The following ST6GALNAC4 variants were observed in gnomAD, a reference collection of about 807,000 sequenced individuals.
The protein encoded by ST6GALNAC4 is alpha-N-acetyl-neuraminyl-2,3-beta-galactosyl-1,3-N-acetyl-galactosaminide alpha-2,6-sialyltransferase.
In ST6GALNAC4, 24 loss-of-function variants were observed where a neutral mutation model predicts 30.4. The ratio of observed to expected loss-of-function variants is 0.79; its 90% CI spans 0.57 to 1.11. The LOEUF is 1.11. Ranked by LOEUF, ST6GALNAC4 falls within the 50% of genes most tolerant of loss-of-function variation. The probability of loss-of-function intolerance (pLI) is 0.00; values close to 1 mark genes in which losing one functional copy is unlikely to be tolerated. For missense variants in ST6GALNAC4, 365 were observed against 430.1 expected (o/e 0.85, Z 1.34); for synonymous variants, 156 against 179.7 (o/e 0.87, Z 1.05).
At position 127,909,996 on chromosome 9, in the gene ST6GALNAC4, C is replaced by A; in HGVS notation, c.674G>T (p.Cys225Phe). The change falls in exon 5 of 6, where the codon TGT becomes TTT. Residue 225 changes from cysteine to phenylalanine, a missense_variant. By Grantham distance (205) the Cys-to-Phe change is radical (BLOSUM62 -2). Transcript: ENST00000335791. Reference sequence around the variant, plus strand: ...CATCCCATAGACCACGATCTCCTCACACAGCTCCAGCGCGAGGATCATGGT... The same window carrying A: ...CATCCCATAGACCACGATCTCCTCAAACAGCTCCAGCGCGAGGATCATGGT... The part of the protein sequence containing the change: ...WFTMILALEL[C>F]EEIVVYGMVS... 6.2e-7 allele frequency: 1 copy of A among 1,613,514 alleles called. No homozygotes were observed. Among genetic ancestry groups the A allele is most frequent in the South Asian group, 1.1e-5 (1 of 91,086 alleles).
At chr9:127,909,276 C>G (rs1378586556) in intron 5 of ST6GALNAC4, among the ~76,000 whole-genome samples, 1 of 151,544 alleles carries the variant, frequency 6.6e-6, no homozygotes, top group African/African-American at 2.4e-5. Flanking sequence ...GTAATCCCAG[C>G]GACTAGGGAG....
chr9:127,912,169 T>C, intron 4 of ST6GALNAC4, 99 bp downstream of exon 4: 1 of 1,464,872 alleles, frequency 6.8e-7, no homozygotes, highest in Non-Finnish European at 9.1e-7. Context: ...AGTGCTGACC[T>C]CCCGGGCCTG....
chr9:127,910,077 C>T lies in ST6GALNAC4; in HGVS notation c.612-19G>A, dbSNP rs565521956. ...CTGCCTCCTGGGGGTGGCGGGGGGA[C>T]AGGGGGACGCTGTCAACAAGAGGCC... On this transcript the variant is annotated intron_variant, in intron 4 of 5. Coordinates refer to ENST00000335791, the MANE Select transcript of ST6GALNAC4 (RefSeq NM_175039.4). The T allele has an allele frequency of 8.7e-6, 14 of 1,611,318 alleles. No homozygotes were observed. In the South Asian group the frequency reaches 1.5e-4, roughly 18 times the overall value.
chr9:127,914,578 G>A, intron 3 of ST6GALNAC4, 78 bp downstream of exon 3: 3 of 1,362,578 alleles, frequency 2.2e-6, no homozygotes, highest in African/African-American at 3.0e-5. Flanking sequence ...GGTGAGTAGA[G>A]GGGCCAAGCT....
At chr9:127,909,321 G>A (rs1406090378) in intron 5 of ST6GALNAC4, among the ~76,000 whole-genome samples, 1 of 151,334 alleles carries the variant, frequency 6.6e-6, no homozygotes, top group Non-Finnish European at 1.5e-5. Flanking sequence ...CCCGGGAGGT[G>A]GAGGTTGCAG....
intron 3 of ST6GALNAC4, among the ~76,000 whole-genome samples, chr9:127,913,773 C>G (rs927816946): frequency 6.6e-6 from 1 of 152,058 alleles, no homozygotes; most frequent in Non-Finnish European, 1.5e-5. Flanking sequence ...TAAAAATTAA[C>G]CAGGTGTGGT....
chr9:127,916,372 C>CT lies in ST6GALNAC4; in HGVS notation c.12+35dup, dbSNP rs760102963. 5.0e-6 allele frequency: 8 copies of CT among 1,614,004 alleles called. No homozygotes were observed. The Admixed American group carries it at 1.3e-4, about 27-fold the overall frequency. ...TGAGCTGCTCCGCCAGTCGGGGCCT[C>CT]TGCGTTCCCTGGAAGTCCTCCTTCT... is the stretch of plus-strand genomic sequence containing the variant. On this transcript the variant is annotated intron_variant, in intron 2 of 5. Coordinates refer to ENST00000335791, the MANE Select transcript of ST6GALNAC4 (RefSeq NM_175039.4).
Position 127,909,933 on chromosome 9 carries a change from C to G in ST6GALNAC4, c.719+18G>C. ...AGTCCTCCCCGCGTCCCCGCGTGCCCGGCCTGGCCGGTCTGACCTGCAGTA... is the reference window on the plus strand; with the variant it reads ...AGTCCTCCCCGCGTCCCCGCGTGCCGGGCCTGGCCGGTCTGACCTGCAGTA... On this transcript the variant is annotated intron_variant, in intron 5 of 5. Coordinates refer to ENST00000335791, the MANE Select transcript of ST6GALNAC4 (RefSeq NM_175039.4). The G allele has an allele frequency of 6.2e-7, 1 of 1,611,758 alleles. No homozygotes were observed. The highest frequency in any genetic ancestry group is 8.5e-7 in the Non-Finnish European group (1 of 1,178,912).
chr9:127,914,555 G>T, intron 3 of ST6GALNAC4, 101 bp downstream of exon 3: 2 of 722,884 alleles, frequency 2.8e-6, no homozygotes, highest in Non-Finnish European at 3.9e-6. Context: ...TGATTGGCCA[G>T]GATCACATGG....
At chr9:127,916,203 GT>G (rs1399462439) in intron 2 of ST6GALNAC4, 10 of 654,584 alleles carry the variant, frequency 1.5e-5, no homozygotes, top group Admixed American at 5.0e-5. Context: ...GGATAGCAAG[GT>G]ACTGACACTG....
chr9:127,916,571 G>A (rs1461989710), intron 1 of ST6GALNAC4, 77 bp from the exon 2 acceptor site: 12 of 870,688 alleles, frequency 1.4e-5, no homozygotes, highest in Non-Finnish European at 2.1e-5. Flanking sequence ...ACTGAGGCAG[G>A]AGAGGGTACA....
At chr9:127,916,006 C>T in intron 2 of ST6GALNAC4, 2 of 277,478 alleles carry the variant, frequency 7.2e-6, no homozygotes, top group Non-Finnish European at 1.4e-5. Context: ...GGCACCTGCT[C>T]CCCTGCCCAT....
intron 3 of ST6GALNAC4, among the ~76,000 whole-genome samples, chr9:127,914,133 G>T (rs1280480088): frequency 1.3e-5 from 2 of 151,670 alleles, no homozygotes; most frequent in East Asian, 3.9e-4. Context: ...GGTGGCTCAT[G>T]CCTGTAATCC....
In ST6GALNAC4 at chr9:127,908,256, G is replaced by A; in HGVS notation, c.*136C>T. On this transcript the variant is annotated 3_prime_UTR_variant, in exon 6 of 6. Transcript: ENST00000335791. ...TCCAAGTGTCGCCAGAATGGGGCGG[G>A]AAGGAACCTTAGGTCCACCCAGCAC... The A allele has an allele frequency of 2.4e-6, 2 of 849,304 alleles. No homozygotes were observed. The highest frequency in any genetic ancestry group is 3.0e-5 in the East Asian group (1 of 33,000). 52.6% of individuals were successfully genotyped at this position (849,304 alleles called of 1,614,324 possible).
chr9:127,915,127 A>C (rs1165531519), intron 2 of ST6GALNAC4, among the ~76,000 whole-genome samples: 1 of 152,194 alleles, frequency 6.6e-6, no homozygotes, highest in Admixed American at 6.5e-5. Context: ...GAAGCAGCAC[A>C]GTGGGGCCTT....
intron 3 of ST6GALNAC4, among the ~76,000 whole-genome samples, chr9:127,913,526 A>T (rs990316692): frequency 2.0e-5 from 3 of 152,220 alleles, no homozygotes; most frequent in Non-Finnish European, 4.4e-5. Context: ...CGGAGGTTGC[A>T]GTGAGCCGAG....
Position 127,916,485 on chromosome 9 carries a change from A to G in ST6GALNAC4, c.-66T>C. 6.2e-7 allele frequency: 1 copy of G among 1,602,624 alleles called. No individual in the cohort carries two copies. The highest frequency in any genetic ancestry group is 1.1e-5 in the South Asian group (1 of 90,602). ...AGGGCTGGGGCTGGGAAGGGGTGGGAGCCGGGCACCTGCCAAGACCCAGAA... is the reference window on the plus strand; with the variant it reads ...AGGGCTGGGGCTGGGAAGGGGTGGGGGCCGGGCACCTGCCAAGACCCAGAA... On this transcript the variant is annotated 5_prime_UTR_variant, in exon 2 of 6. Transcript: ENST00000335791.
chr9:127,910,086 G>T (rs373828601), intron 4 of ST6GALNAC4, 28 bp from the exon 5 acceptor site: 50 of 1,608,944 alleles, frequency 3.1e-5, no homozygotes, highest in Middle Eastern at 1.6e-4. Context: ...ACAGGGGGAC[G>T]CTGTCAACAA....
chr9:127,914,721 C>G lies in ST6GALNAC4; in HGVS notation c.133G>C (p.Gly45Arg). Residue 45 changes from glycine to arginine, a missense_variant, in exon 3 of 6, where the codon GGC becomes CGC. Transcript: ENST00000335791. ...GGTCCCGGCACAGTGGGCCTGGAGC[C>G]TGTGGGGAAGTGGTGGTCCAGGCAG... is the stretch of plus-strand genomic sequence containing the variant. ...ATCLDHHFPTGSRPTVPGPLH... is the reference protein window; with the variant it reads ...ATCLDHHFPTRSRPTVPGPLH... 2 of 1,611,496 alleles carry G rather than the reference C, an allele frequency of 1.2e-6. No homozygotes were observed.
Sources: allele counts gnomAD v4.1 joint callset (sites outside exome capture counted in the v4.1 genomes callset), GRCh38; gene constraint gnomAD v4.1.1; transcripts MANE v1.5; gene names NCBI Gene and HGNC (gene_info 2026-07-23, HGNC 2026-07-21).